The following GMDS variants were observed in gnomAD, a reference collection of about 807,000 sequenced individuals.
GMDS encodes the protein GDP-mannose 4,6-dehydratase.
A neutral mutation model predicts 49.9 loss-of-function variants in GMDS; 20 were observed. The observed-to-expected ratio is 0.40, with a 90% CI of 0.28 to 0.58. GMDS has a LOEUF of 0.58. GMDS is among the 20% of genes least tolerant of loss of function. GMDS has a pLI of 0.42. For synonymous variants in GMDS, 177 were observed against 178.6 expected, an observed-to-expected ratio of 0.99 and a Z score of 0.07; for missense variants, 362 against 481.4, an observed-to-expected ratio of 0.75 and a Z score of 2.32.
At chr6:1,943,538 T>C (rs1762916422) in intron 6 of GMDS, among the ~76,000 whole-genome samples, 1 of 152,220 alleles carries the variant, frequency 6.6e-6, no homozygotes, top group Non-Finnish European at 1.5e-5. Flanking sequence ...TTCCACAGTT[T>C]AAACAGGAAG....
In GMDS at chr6:2,221,848, G is replaced by A. The variant is rs193146750; in HGVS notation, c.102+23473C>T. Among the ~76,000 whole-genome samples, 393 of 152,188 alleles carry A rather than the reference G, an allele frequency of 2.6e-3. 1 individual carries two copies. Among genetic ancestry groups the A allele is most frequent in the African/African-American group, 9.1e-3 (379 of 41,506 alleles). On this transcript the variant is annotated intron_variant, in intron 1 of 10. Transcript: ENST00000380815. ...TCAGAATGTGCCATGGGGTATAAAA[G>A]AAGAAAAAGAAGACAATCTGTGGCC...
intron 4 of GMDS, among the ~76,000 whole-genome samples, chr6:2,052,320 C>T (rs772605117): frequency 5.3e-5 from 8 of 151,742 alleles, no homozygotes; most frequent in Non-Finnish European, 1.2e-4. Flanking sequence ...CTTTCTTTAC[C>T]GGTAGTAGTA....
rs184495157 is a variant in GMDS at position 1,997,807 on chromosome 6, G to C, written c.346-36841C>G. ...GGGGCACCTGCCAACTACCCACATTGATCAGTTTATACCTCTCTATAAAAA... is the reference window on the plus strand; with the variant it reads ...GGGGCACCTGCCAACTACCCACATTCATCAGTTTATACCTCTCTATAAAAA... On this transcript the variant is annotated intron_variant, in intron 4 of 10. Coordinates refer to ENST00000380815, the MANE Select transcript of GMDS (RefSeq NM_001500.4). 1.8e-4 allele frequency among the ~76,000 whole-genome samples: 28 copies of C among 152,218 alleles called. No homozygotes were observed. In the East Asian group the frequency reaches 4.4e-3, roughly 24 times the overall value.
At chr6:2,106,188 A>G (rs1478089147) in intron 4 of GMDS, among the ~76,000 whole-genome samples, 2 of 152,248 alleles carry the variant, frequency 1.3e-5, no homozygotes, top group African/African-American at 4.8e-5. Flanking sequence ...TAGAAATCTG[A>G]TACATTCAAA....
chr6:2,008,678 G>C (rs1480981743), intron 4 of GMDS, among the ~76,000 whole-genome samples: 31 of 152,210 alleles, frequency 2.0e-4, no homozygotes, highest in Admixed American at 1.8e-3. Context: ...AATAGGCCAA[G>C]ACTGTAGAAA....
chr6:1,654,045 C>T (rs932924199), intron 9 of GMDS, among the ~76,000 whole-genome samples: 4 of 152,092 alleles, frequency 2.6e-5, no homozygotes, highest in Non-Finnish European at 5.9e-5. Context: ...CAAGTCAAAA[C>T]CACCATGAGA....
chr6:1,677,755 T>G (rs998125908), intron 9 of GMDS, among the ~76,000 whole-genome samples: 1 of 132,976 alleles, frequency 7.5e-6, no homozygotes, highest in African/African-American at 2.9e-5. Flanking sequence ...ATGAGAACAC[T>G]TGGACACAGG....
At chr6:1,630,006 TC>T (rs1762952677) in intron 9 of GMDS, among the ~76,000 whole-genome samples, 1 of 152,194 alleles carries the variant, frequency 6.6e-6, no homozygotes, top group African/African-American at 2.4e-5. Flanking sequence ...TTACAGGTGT[TC>T]ACTTCAGGAA....
intron 7 of GMDS, among the ~76,000 whole-genome samples, chr6:1,875,663 C>G (rs1236812660): frequency 1.3e-5 from 2 of 152,150 alleles, no homozygotes; most frequent in Admixed American, 1.3e-4. Flanking sequence ...AATATTTTCA[C>G]AATTTCTATT....
intron 9 of GMDS, among the ~76,000 whole-genome samples, chr6:1,694,386 T>G (rs1047535735): frequency 6.6e-6 from 1 of 152,232 alleles, no homozygotes; most frequent in African/African-American, 2.4e-5. Context: ...TTGCTTTTGA[T>G]TCTTTCAACA....
intron 1 of GMDS, among the ~76,000 whole-genome samples, chr6:2,131,119 A>C (rs1440365087): frequency 6.6e-6 from 1 of 152,148 alleles, no homozygotes; most frequent in Non-Finnish European, 1.5e-5. Flanking sequence ...TTATATTGCA[A>C]ATGATTATTG....
chr6:1,729,241 T>C (rs6942353), intron 8 of GMDS, among the ~76,000 whole-genome samples: 126,343 of 152,190 alleles, frequency 0.83, 52,969 homozygotes, highest in East Asian at 1. Flanking sequence ...GGAGAAACAC[T>C]CCCTCTCTGA....
At chr6:1,816,737 A>G (rs150054412) in intron 7 of GMDS, among the ~76,000 whole-genome samples, 2,195 of 152,250 alleles carry the variant, frequency 0.014, 24 homozygotes, top group Non-Finnish European at 0.02. Context: ...ATTTCTTTTC[A>G]TACTTCTATC....
intron 7 of GMDS, among the ~76,000 whole-genome samples, chr6:1,769,714 T>A (rs1561792998): frequency 6.6e-6 from 1 of 152,172 alleles, no homozygotes. Context: ...TTTTTATTTT[T>A]TTTTTTGAGA....
rs116752943 is a variant in GMDS at position 2,238,379 on chromosome 6, C to T, written c.102+6942G>A. Among the ~76,000 whole-genome samples, 935 of 152,294 alleles carry T rather than the reference C, an allele frequency of 6.1e-3. 3 individuals are homozygous for T. The highest frequency in any genetic ancestry group is 0.017 in the Middle Eastern group (5 of 294). ...AACTCCAGAGGAACAAAATAATTCA[C>T]TGTCTTCCCCCAGAAAACTGATTTT... On this transcript the variant is annotated intron_variant, in intron 1 of 10. Transcript: ENST00000380815.
chr6:2,099,513 T>G (rs982451783), intron 4 of GMDS, among the ~76,000 whole-genome samples: 3 of 152,078 alleles, frequency 2.0e-5, no homozygotes, highest in Non-Finnish European at 4.4e-5. Context: ...TCAGAATCAT[T>G]TCATGGAAGT....
chr6:1,892,974 T>A (rs992612329), intron 7 of GMDS, among the ~76,000 whole-genome samples: 1 of 152,044 alleles, frequency 6.6e-6, no homozygotes, highest in Non-Finnish European at 1.5e-5. Context: ...ACTAGCTCCT[T>A]GTTTATATCA....
At chr6:1,936,105 A>G (rs1471201515) in intron 6 of GMDS, among the ~76,000 whole-genome samples, 6 of 152,138 alleles carry the variant, frequency 3.9e-5, no homozygotes, top group Non-Finnish European at 1.5e-5. Flanking sequence ...CTAACACACT[A>G]TGTTAGTTAT....
chr6:1,882,150 C>T (rs1759394393), intron 7 of GMDS, among the ~76,000 whole-genome samples: 1 of 152,194 alleles, frequency 6.6e-6, no homozygotes, highest in Non-Finnish European at 1.5e-5. Flanking sequence ...CAAACTGGAA[C>T]ATACAGTTTA....
Sources: gnomAD v4.1 joint callset for allele counts (sites outside exome capture counted in the v4.1 genomes callset) on GRCh38, gnomAD v4.1.1 for gene constraint, MANE v1.5 for transcripts, NCBI Gene and HGNC (gene_info 2026-07-23, HGNC 2026-07-21) for gene names.